Variants in TTC6 observed in about 807,000 individuals in gnomAD.
The protein encoded by TTC6 is tetratricopeptide repeat domain 6.
Under a neutral mutation model 210.4 loss-of-function variants are expected in TTC6, and 172 were observed. That is an observed-to-expected ratio of 0.82 (90% CI 0.72 to 0.93). The LOEUF (loss-of-function observed/expected upper bound fraction) is 0.93. Among genes scored for constraint, TTC6 ranks in the 40% least tolerant of loss-of-function variants. The pLI, the probability that TTC6 is intolerant of heterozygous loss-of-function variation, is 0.00. For synonymous variants in TTC6, 804 were observed against 819.6 expected (o/e 0.98, Z 0.32); for missense variants, 2,414 against 2,318.1 (o/e 1.04, Z -0.85).
intron 6 of TTC6, among the ~76,000 whole-genome samples, chr14:37,723,771 G>A (rs1566910967): frequency 2.0e-5 from 3 of 152,186 alleles, no homozygotes; most frequent in Admixed American, 1.3e-4. Context: ...TGTTTCATAC[G>A]TTTGTAATAC....
Position 37,607,414 on chromosome 14 carries a change from A to T in TTC6, c.-155+672A>T, listed in dbSNP as rs1011781293. Reference sequence around the variant, plus strand: ...TCTTGACTAGTGCTAAACCAGTGACATTATTTAGGTGTGACCATCAATGAG... The same window carrying T: ...TCTTGACTAGTGCTAAACCAGTGACTTTATTTAGGTGTGACCATCAATGAG... On this transcript the variant is annotated intron_variant, in intron 2 of 2. Coordinates refer to the TTC6 transcript ENST00000556845. Among the ~76,000 whole-genome samples, 3 of 152,204 alleles carry T rather than the reference A, an allele frequency of 2.0e-5. No homozygotes were observed. In the East Asian group the frequency reaches 5.8e-4, roughly 29 times the overall value.
intron 14 of TTC6, among the ~76,000 whole-genome samples, chr14:37,784,304 C>T (rs1339066676): frequency 6.6e-6 from 1 of 152,060 alleles, no homozygotes. Context: ...TCTGGGTGCT[C>T]CTGTATTGGG....
Position 37,609,501 on chromosome 14 carries a change from T to A in TTC6, c.-155+2759T>A, listed in dbSNP as rs149840842. On this transcript the variant is annotated intron_variant, in intron 2 of 2. Coordinates refer to the TTC6 transcript ENST00000556845. ...ACTAGCTAGGGGACCTCAGGTGAAT[T>A]CCTTAATCTCTTTGTACAATCTCTT... Among the ~76,000 whole-genome samples the A allele has an allele frequency of 2.2e-3, 335 of 152,262 alleles. 1 individual carries two copies. Among genetic ancestry groups the A allele is most frequent in the African/African-American group, 7.7e-3 (320 of 41,552 alleles).
Position 37,654,428 on chromosome 14 carries a change from C to T in TTC6, c.940-25723C>T, listed in dbSNP as rs533942039. Among the ~76,000 whole-genome samples, 22 of 152,152 alleles carry T rather than the reference C, an allele frequency of 1.4e-4. No homozygotes were observed. The East Asian group carries it at 3.7e-3, about 25-fold the overall frequency. ...AGTATGTAGCACCCACCCCCTCACT[C>T]TCTTGCTCCTACTTTTGGAATATGG... On this transcript the variant is annotated intron_variant, in intron 1 of 30. Transcript: ENST00000553443.
At chr14:37,687,885 G>C (rs919989520) in intron 3 of TTC6, among the ~76,000 whole-genome samples, 1 of 152,166 alleles carries the variant, frequency 6.6e-6, no homozygotes, top group Admixed American at 6.5e-5. Context: ...GGTGGCTACA[G>C]GGTGAGACCC....
Position 37,825,601 on chromosome 14 carries a change from C to T in TTC6, c.4975-594C>T, listed in dbSNP as rs117285172. Among the ~76,000 whole-genome samples the T allele has an allele frequency of 4.1e-4, 63 of 152,150 alleles. No individual in the cohort carries two copies. The East Asian group carries it at 8.9e-3, about 21-fold the overall frequency. On this transcript the variant is annotated intron_variant, in intron 27 of 30. Transcript: ENST00000553443. ...TCTGACATCGTTCTGTTAACAATGC[C>T]CCTCTCCTGACCTTTTTCTTTCTTT...
At chr14:37,654,761 A>G (rs1002754539) in intron 1 of TTC6, among the ~76,000 whole-genome samples, 2 of 152,220 alleles carry the variant, frequency 1.3e-5, no homozygotes, top group African/African-American at 4.8e-5. Context: ...TTTTAATTTA[A>G]TCTCATGAAT....
chr14:37,825,311 G>A (rs2096168209), intron 27 of TTC6, among the ~76,000 whole-genome samples: 1 of 152,108 alleles, frequency 6.6e-6, no homozygotes, highest in African/African-American at 2.4e-5. Context: ...TGACAGTGTG[G>A]ATTTACAAAT....
At chr14:37,687,361 A>G (rs1165050761) in intron 3 of TTC6, among the ~76,000 whole-genome samples, 1 of 152,164 alleles carries the variant, frequency 6.6e-6, no homozygotes, top group Non-Finnish European at 1.5e-5. Flanking sequence ...ACCACAGGCT[A>G]ACATGCTTGG....
chr14:37,757,941 A>G (rs1352058140), intron 14 of TTC6, among the ~76,000 whole-genome samples: 1 of 152,182 alleles, frequency 6.6e-6, no homozygotes, highest in Non-Finnish European at 1.5e-5. Flanking sequence ...TTATTTACCC[A>G]GTAGTCATTC....
At chr14:37,791,813 G>A (rs1409830144) in intron 16 of TTC6, among the ~76,000 whole-genome samples, 1 of 152,070 alleles carries the variant, frequency 6.6e-6, no homozygotes, top group Admixed American at 6.6e-5. Flanking sequence ...ACATTTATTT[G>A]ATACAGAAAA....
intron 25 of TTC6, among the ~76,000 whole-genome samples, chr14:37,814,972 G>A (rs1313890812): frequency 1.3e-5 from 2 of 152,164 alleles, no homozygotes; most frequent in Admixed American, 1.3e-4. Context: ...CTTTGTTCAG[G>A]AAGCATTTTG....
At chr14:37,622,050 G>T, upstream of TTC6, 1 of 1,505,468 alleles carries the variant, frequency 6.6e-7, no homozygotes, top group Non-Finnish European at 8.8e-7. Context: ...TACTTTACAG[G>T]TCAAATTTGT....
At chr14:37,729,965 A>C (rs2095881781) in intron 7 of TTC6, among the ~76,000 whole-genome samples, 1 of 152,128 alleles carries the variant, frequency 6.6e-6, no homozygotes, top group African/African-American at 2.4e-5. Context: ...ACCATGGAGT[A>C]ACCCATTAGA....
chr14:37,768,323 T>C (rs1260930986), intron 14 of TTC6, among the ~76,000 whole-genome samples: 1 of 151,564 alleles, frequency 6.6e-6, no homozygotes, highest in Non-Finnish European at 1.5e-5. Flanking sequence ...AGTAGTTTTT[T>C]CCAATTCTGT....
At chr14:37,730,937 C>T (rs974065447) in intron 7 of TTC6, among the ~76,000 whole-genome samples, 6 of 152,104 alleles carry the variant, frequency 3.9e-5, no homozygotes, top group Non-Finnish European at 8.8e-5. Context: ...AGCCACTGTT[C>T]TAGAGGCTGG....
intron 5 of TTC6, among the ~76,000 whole-genome samples, chr14:37,705,110 C>G (rs985056979): frequency 4.6e-5 from 7 of 152,062 alleles, no homozygotes; most frequent in African/African-American, 1.7e-4. Flanking sequence ...GGCTGACCTT[C>G]TCAAATCAGG....
intron 1 of TTC6, among the ~76,000 whole-genome samples, chr14:37,675,850 T>C (rs1417506658): frequency 1.3e-5 from 2 of 152,048 alleles, no homozygotes; most frequent in East Asian, 1.9e-4. Context: ...CATCTTTTCA[T>C]GTGCTTGTTG....
intron 4 of TTC6, among the ~76,000 whole-genome samples, chr14:37,701,128 C>G (rs934609587): frequency 6.6e-6 from 1 of 152,028 alleles, no homozygotes. Flanking sequence ...ATTCAGCAGG[C>G]AGTTGGATAC....
Sources: gnomAD v4.1 joint callset for allele counts (sites outside exome capture counted in the v4.1 genomes callset) on GRCh38, gnomAD v4.1.1 for gene constraint, MANE v1.5 for transcripts, NCBI Gene and HGNC (gene_info 2026-07-23, HGNC 2026-07-21) for gene names.